The following DPP10 variants were observed in gnomAD, a reference collection of about 807,000 sequenced individuals.
DPP10 encodes the protein dipeptidyl peptidase like 10.
In DPP10, 33 loss-of-function variants were observed where a neutral mutation model predicts 120.9. The observed-to-expected ratio is 0.27, with a 90% CI of 0.21 to 0.37. The LOEUF (loss-of-function observed/expected upper bound fraction) is 0.37. DPP10 is among the 10% of genes least tolerant of loss of function. DPP10 has a pLI of 1.00. For missense variants in DPP10, 816 were observed against 942.8 expected (o/e 0.87, Z 1.76); for synonymous variants, 337 against 326.1 (o/e 1.03, Z -0.36).
chr2:115,415,841 T>TTTTA (rs1553592806), intron 3 of DPP10, among the ~76,000 whole-genome samples: 4 of 74,296 alleles, frequency 5.4e-5, no homozygotes, highest in African/African-American at 1.0e-4. Context: ...TGATTTGCTT[T>TTTTA]TATATATATA....
chr2:114,862,115 T>C (rs1411156094), intron 1 of DPP10, among the ~76,000 whole-genome samples: 2 of 152,102 alleles, frequency 1.3e-5, no homozygotes, highest in African/African-American at 4.8e-5. Context: ...TATTACCCAT[T>C]TCAAAATTCC....
At chr2:115,393,786 A>G (rs1468375047) in intron 3 of DPP10, among the ~76,000 whole-genome samples, 1 of 152,210 alleles carries the variant, frequency 6.6e-6, no homozygotes, top group Non-Finnish European at 1.5e-5. Flanking sequence ...GGTGGTTTCT[A>G]GGAGTGGCAA....
chr2:114,819,186 A>G (rs1345849846), intron 1 of DPP10, among the ~76,000 whole-genome samples: 1 of 150,380 alleles, frequency 6.6e-6, no homozygotes, highest in Non-Finnish European at 1.5e-5. Context: ...TGATTTATTT[A>G]TTGGAACTTA....
At chr2:114,495,903 A>C (rs1682473553) in intron 1 of DPP10, among the ~76,000 whole-genome samples, 1 of 152,158 alleles carries the variant, frequency 6.6e-6, no homozygotes, top group African/African-American at 2.4e-5. Flanking sequence ...CACACACAGA[A>C]ATTTTTACCT....
chr2:115,800,945 A>G (rs1335579100), intron 19 of DPP10, among the ~76,000 whole-genome samples: 17 of 152,020 alleles, frequency 1.1e-4, no homozygotes, highest in East Asian at 5.8e-4. Context: ...TATGAACTTT[A>G]AAGTAGTTTT....
intron 1 of DPP10, among the ~76,000 whole-genome samples, chr2:114,618,971 C>T (rs1454238019): frequency 6.6e-6 from 1 of 151,946 alleles, no homozygotes; most frequent in African/African-American, 2.4e-5. Context: ...CAAGTCTGGA[C>T]ATTATCAGGA....
At chr2:114,995,073 C>T (rs1310358596) in intron 1 of DPP10, among the ~76,000 whole-genome samples, 1 of 152,132 alleles carries the variant, frequency 6.6e-6, no homozygotes, top group Non-Finnish European at 1.5e-5. Context: ...TAAGCAGGGG[C>T]TTGAAATGAG....
At chr2:114,801,896 A>G (rs1684285459) in intron 1 of DPP10, among the ~76,000 whole-genome samples, 1 of 152,192 alleles carries the variant, frequency 6.6e-6, no homozygotes, top group Non-Finnish European at 1.5e-5. Flanking sequence ...AAATATTAAT[A>G]ATGGAATTGC....
At chr2:114,736,874 A>G (rs1197219617) in intron 1 of DPP10, among the ~76,000 whole-genome samples, 1 of 152,246 alleles carries the variant, frequency 6.6e-6, no homozygotes, top group African/African-American at 2.4e-5. Context: ...TAGTAACCCT[A>G]GGCTTGCTAG....
At chr2:114,557,712 C>T (rs1573647680) in intron 1 of DPP10, among the ~76,000 whole-genome samples, 1 of 152,132 alleles carries the variant, frequency 6.6e-6, no homozygotes, top group African/African-American at 2.4e-5. Context: ...TGGATATGTA[C>T]ATCAGCTGTG....
chr2:115,227,894 T>TTATGAGA (rs2057517891), intron 1 of DPP10, among the ~76,000 whole-genome samples: 1 of 150,990 alleles, frequency 6.6e-6, no homozygotes, highest in Non-Finnish European at 1.5e-5. Flanking sequence ...TTGTATATAT[T>TTATGAGA]TATGAGATAC....
At chr2:115,423,927 A>G (rs537654262) in intron 3 of DPP10, among the ~76,000 whole-genome samples, 1 of 152,276 alleles carries the variant, frequency 6.6e-6, no homozygotes, top group African/African-American at 2.4e-5. Context: ...TATAAATTGC[A>G]TTCATGGTTA....
intron 1 of DPP10, among the ~76,000 whole-genome samples, chr2:114,869,425 A>G (rs1400194978): frequency 4.6e-5 from 7 of 152,148 alleles, no homozygotes; most frequent in African/African-American, 1.7e-4. Context: ...TTTCTTACAG[A>G]TAGGCAGCAA....
chr2:115,031,397 G>C (rs535971222), intron 1 of DPP10, among the ~76,000 whole-genome samples: 8 of 152,094 alleles, frequency 5.3e-5, no homozygotes, highest in Non-Finnish European at 8.8e-5. Flanking sequence ...ATTAGAGTTG[G>C]CTTGGTTTAT....
intron 1 of DPP10, among the ~76,000 whole-genome samples, chr2:114,980,469 T>C (rs1267103937): frequency 6.6e-6 from 1 of 152,040 alleles, no homozygotes; most frequent in Non-Finnish European, 1.5e-5. Context: ...CTCAAGAATA[T>C]GGTTAAGAGG....
At chr2:115,309,410 A>G in intron 2 of DPP10, 57 bp downstream of exon 2, 1 of 1,520,246 alleles carries the variant, frequency 6.6e-7, no homozygotes, top group Non-Finnish European at 9.1e-7. Context: ...ATAATTTCGC[A>G]TTCAAATGCC....
chr2:115,592,812 G>A (rs2082752727), intron 5 of DPP10, among the ~76,000 whole-genome samples: 1 of 151,908 alleles, frequency 6.6e-6, no homozygotes, highest in African/African-American at 2.4e-5. Context: ...GAAAAGTCCT[G>A]GGTATATTAA....
At chr2:115,480,811 T>C (rs1338630095) in intron 3 of DPP10, among the ~76,000 whole-genome samples, 3 of 152,030 alleles carry the variant, frequency 2.0e-5, no homozygotes, top group African/African-American at 7.2e-5. Flanking sequence ...GCGAAAAAAA[T>C]GGTGAAATAA....
chr2:115,141,936 C>G (rs951736128), intron 1 of DPP10, among the ~76,000 whole-genome samples: 1 of 151,908 alleles, frequency 6.6e-6, no homozygotes, highest in Admixed American at 6.6e-5. Flanking sequence ...ACTATGCCTG[C>G]CTAATTTTTG....
Sources: gnomAD v4.1 joint callset for allele counts (sites outside exome capture counted in the v4.1 genomes callset) on GRCh38, gnomAD v4.1.1 for gene constraint, MANE v1.5 for transcripts, NCBI Gene and HGNC (gene_info 2026-07-23, HGNC 2026-07-21) for gene names.